NBAS: variants seen among roughly 807,000 people sequenced by gnomAD.
NBAS encodes the protein NAG/BC035112 fusion.
A neutral mutation model predicts 302.5 loss-of-function variants in NBAS; 219 were observed. The observed-to-expected ratio is 0.72, with a 90% CI of 0.65 to 0.81. The LOEUF is 0.81. Ranked by LOEUF, NBAS falls within the 30% of genes least tolerant of loss-of-function variation. NBAS has a pLI of 0.00. For synonymous variants in NBAS, 1,118 were observed against 1,021.6 expected (o/e 1.09, Z -1.80); for missense variants, 2,932 against 2,841.6 (o/e 1.03, Z -0.72).
the NBAS span, among the ~76,000 whole-genome samples, chr2:14,866,646 A>C: frequency 6.6e-6 from 1 of 152,026 alleles, no homozygotes; most frequent in Non-Finnish European, 1.5e-5. Context: ...CTTCTCACTC[A>C]CTCCATGTAA....
chr2:15,355,730 C>T (rs914309792), intron 33 of NBAS, among the ~76,000 whole-genome samples: 1 of 152,090 alleles, frequency 6.6e-6, no homozygotes, highest in Admixed American at 6.6e-5. Flanking sequence ...CTAATCCAGC[C>T]AGTTAAGCCT....
chr2:15,537,417 C>T (rs576329995), intron 7 of NBAS, among the ~76,000 whole-genome samples: 7 of 152,290 alleles, frequency 4.6e-5, no homozygotes, highest in East Asian at 1.9e-4. Flanking sequence ...CAATTTACCA[C>T]CTCAAAAAGC....
At chr2:14,789,051 C>A in the NBAS span, among the ~76,000 whole-genome samples, 1 of 152,256 alleles carries the variant, frequency 6.6e-6, no homozygotes, top group African/African-American at 2.4e-5. Context: ...CGCCCCTCCC[C>A]CAGCCTCGCT....
intron 16 of NBAS, among the ~76,000 whole-genome samples, chr2:15,471,121 CTCTT>C (rs1166934750): frequency 6.6e-6 from 1 of 152,174 alleles, no homozygotes; most frequent in Non-Finnish European, 1.5e-5. Context: ...TGCTTTGTCT[CTCTT>C]AACATCCCTC....
At chr2:14,978,115 T>G in the NBAS span, among the ~76,000 whole-genome samples, 1 of 152,142 alleles carries the variant, frequency 6.6e-6, no homozygotes, top group Non-Finnish European at 1.5e-5. Flanking sequence ...CACCTAGAAC[T>G]CCTTTCCTTC....
the NBAS span, among the ~76,000 whole-genome samples, chr2:14,988,672 CT>C: frequency 6.6e-6 from 1 of 152,142 alleles, no homozygotes; most frequent in South Asian, 2.1e-4. Flanking sequence ...ATAAATACAA[CT>C]GGTAAACAGA....
At chr2:15,287,220 G>C in intron 41 of NBAS, 37 bp from the exon 42 acceptor site, 1 of 1,537,518 alleles carries the variant, frequency 6.5e-7, no homozygotes, top group Non-Finnish European at 9.0e-7. Flanking sequence ...AAGGGAGAGA[G>C]GAGAAACACA....
chr2:15,199,565 G>A (rs1665781735), intron 48 of NBAS, among the ~76,000 whole-genome samples: 1 of 152,102 alleles, frequency 6.6e-6, no homozygotes, highest in African/African-American at 2.4e-5. Context: ...ATTACAGGTA[G>A]TTATCAAATG....
chr2:15,314,361 AAAAC>A (rs1470227919), intron 38 of NBAS, among the ~76,000 whole-genome samples: 3 of 152,204 alleles, frequency 2.0e-5, no homozygotes, highest in Non-Finnish European at 4.4e-5. Flanking sequence ...ACTCCATCAC[AAAAC>A]AAACAAATAA....
chr2:15,278,412 T>C (rs932450713), intron 42 of NBAS, among the ~76,000 whole-genome samples: 2 of 152,190 alleles, frequency 1.3e-5, no homozygotes, highest in Admixed American at 6.5e-5. Flanking sequence ...TTCTATTCTG[T>C]TATTCGTAAC....
At chr2:15,506,467 GCAAAA>G in intron 10 of NBAS, among the ~76,000 whole-genome samples, 1 of 152,208 alleles carries the variant, frequency 6.6e-6, no homozygotes, top group African/African-American at 2.4e-5. Flanking sequence ...CACATACAAA[GCAAAA>G]CAAGAGTAGC....
the NBAS span, among the ~76,000 whole-genome samples, chr2:14,960,493 T>C: frequency 6.6e-6 from 1 of 152,204 alleles, no homozygotes; most frequent in Non-Finnish European, 1.5e-5. Context: ...ATTCTCACAA[T>C]ATCGCTGTGA....
At position 15,328,185 on chromosome 2, in the gene NBAS, C is replaced by T; in HGVS notation, c.4461+14G>A. ...TGACAGTTAAATCTATCTTCCTAGA[C>T]ACGCTGTCCTTACCTCAGCGACAAA... is the stretch of plus-strand genomic sequence containing the variant. On this transcript the variant is annotated intron_variant, in intron 37 of 51. Coordinates refer to ENST00000281513, the MANE Select transcript of NBAS (RefSeq NM_015909.4). 2.5e-6 allele frequency: 4 copies of T among 1,602,766 alleles called. No homozygotes were observed. The highest frequency in any genetic ancestry group is 3.4e-6 in the Non-Finnish European group (4 of 1,170,058).
chr2:14,791,030 T>A, the NBAS span, among the ~76,000 whole-genome samples: 2 of 152,130 alleles, frequency 1.3e-5, no homozygotes, highest in Non-Finnish European at 2.9e-5. Context: ...TGATTTTGTA[T>A]TTTTAGTAGA....
At chr2:14,988,151 C>T in the NBAS span, among the ~76,000 whole-genome samples, 2 of 152,078 alleles carry the variant, frequency 1.3e-5, no homozygotes, top group Non-Finnish European at 2.9e-5. Flanking sequence ...AGCTCACCTC[C>T]AAAATAAGGT....
intron 9 of NBAS, among the ~76,000 whole-genome samples, chr2:15,519,902 T>C (rs1662580966): frequency 6.6e-6 from 1 of 152,240 alleles, no homozygotes; most frequent in South Asian, 2.1e-4. Flanking sequence ...TCAGACTATT[T>C]AGTCAACATG....
chr2:14,828,221 T>A, the NBAS span, among the ~76,000 whole-genome samples: 1 of 152,096 alleles, frequency 6.6e-6, no homozygotes, highest in Non-Finnish European at 1.5e-5. Context: ...AAAGACAATT[T>A]TAGAATGTGA....
chr2:15,512,720 C>T (rs571254874), intron 9 of NBAS, among the ~76,000 whole-genome samples: 4 of 152,138 alleles, frequency 2.6e-5, no homozygotes, highest in South Asian at 2.1e-4. Context: ...TTCTAAAAGC[C>T]GGAAAAGGCA....
the NBAS span, among the ~76,000 whole-genome samples, chr2:15,099,846 T>C: frequency 6.6e-6 from 1 of 152,104 alleles, no homozygotes; most frequent in Non-Finnish European, 1.5e-5. Context: ...GAATTACACA[T>C]AGCTACAATA....
Sources: gnomAD v4.1 joint callset for allele counts (sites outside exome capture counted in the v4.1 genomes callset) on GRCh38, gnomAD v4.1.1 for gene constraint, MANE v1.5 for transcripts, NCBI Gene and HGNC (gene_info 2026-07-23, HGNC 2026-07-21) for gene names.